PPP1R12B: variants seen among roughly 807,000 people sequenced by gnomAD.
PPP1R12B encodes myosin phosphatase target subunit 2.
In PPP1R12B, 76 loss-of-function variants were observed where a neutral mutation model predicts 126.1. That is an observed-to-expected ratio of 0.60 (90% CI 0.50 to 0.73). The LOEUF is 0.73. Among genes scored for constraint, PPP1R12B ranks in the 30% least tolerant of loss-of-function variants. The pLI, the probability that PPP1R12B is intolerant of heterozygous loss-of-function variation, is 0.00. For synonymous variants in PPP1R12B, 356 were observed against 434.7 expected (o/e 0.82, Z 2.25); for missense variants, 1,052 against 1,205.1 (o/e 0.87, Z 1.88).
intron 22 of PPP1R12B, among the ~76,000 whole-genome samples, chr1:202,568,131 A>T (rs564353963): frequency 5.3e-5 from 8 of 152,162 alleles, no homozygotes; most frequent in African/African-American, 1.9e-4. Context: ...GCATACACAC[A>T]CAACCCATAA....
intron 6 of PPP1R12B, among the ~76,000 whole-genome samples, chr1:202,430,394 T>A (rs1670040163): frequency 6.6e-6 from 1 of 152,180 alleles, no homozygotes; most frequent in South Asian, 2.1e-4. Flanking sequence ...TGCCAACTTA[T>A]TTCAGTATAT....
chr1:202,449,095 G>T lies in PPP1R12B; in HGVS notation c.1774G>T (p.Ala592Ser), dbSNP rs761421460. Residue 592 changes from alanine to serine, a missense_variant, in exon 13 of 24, where the codon GCC becomes TCC. Transcript: ENST00000608999. ...CACCAATCGCCCTCTTCCTAGCACT[G>T]CCAATGGGGTTACAGCTACTCCTGT... ...VITNRPLPST[A>S]NGVTATPVLS... 6.2e-7 allele frequency: 1 copy of T among 1,613,794 alleles called. No homozygotes were observed. Among genetic ancestry groups the T allele is most frequent in the South Asian group, 1.1e-5 (1 of 91,060 alleles).
intron 1 of PPP1R12B, among the ~76,000 whole-genome samples, chr1:202,360,171 A>T (rs1000564248): frequency 5.9e-5 from 9 of 152,146 alleles, no homozygotes; most frequent in African/African-American, 4.8e-5. Flanking sequence ...TCTGATTCAG[A>T]TTCCAATTTT....
rs187020845 is a variant in PPP1R12B, at chr1:202,536,740, C to G, written c.2491-22137C>G. 2.6e-5 allele frequency among the ~76,000 whole-genome samples: 4 copies of G among 151,710 alleles called. No individual in the cohort carries two copies. The East Asian group carries it at 7.7e-4, about 29-fold the overall frequency. On this transcript the variant is annotated intron_variant, in intron 18 of 23. Coordinates refer to ENST00000608999, the MANE Select transcript of PPP1R12B (RefSeq NM_002481.4). ...CACATACAGCTGTACAAAAATATTT[C>G]TTTATATTCTTAATCTATAAGCTTT... is the stretch of plus-strand genomic sequence containing the variant.
chr1:202,370,980 C>T (rs914706810), intron 1 of PPP1R12B, among the ~76,000 whole-genome samples: 1 of 148,036 alleles, frequency 6.8e-6, no homozygotes, highest in Non-Finnish European at 1.5e-5. Context: ...TTTTTGAACA[C>T]GAGTTCCATT....
intron 18 of PPP1R12B, among the ~76,000 whole-genome samples, chr1:202,512,756 C>T (rs1307940431): frequency 6.6e-6 from 1 of 152,098 alleles, no homozygotes; most frequent in South Asian, 2.1e-4. Flanking sequence ...TATTTTCATT[C>T]TCTAGAATTC....
intron 1 of PPP1R12B, among the ~76,000 whole-genome samples, chr1:202,354,134 A>G (rs1306232385): frequency 6.6e-6 from 1 of 152,200 alleles, no homozygotes; most frequent in Non-Finnish European, 1.5e-5. Context: ...TATACTTTAT[A>G]TACAATAAAA....
intron 10 of PPP1R12B, chr1:202,438,879 G>A: frequency 1.4e-6 from 2 of 1,387,568 alleles, no homozygotes; most frequent in East Asian, 4.6e-5. Flanking sequence ...TAGCCCCCAG[G>A]GCAGGAGCCC....
chr1:202,536,142 TAAG>T (rs1298462857), intron 18 of PPP1R12B, among the ~76,000 whole-genome samples: 1 of 152,194 alleles, frequency 6.6e-6, no homozygotes, highest in Non-Finnish European at 1.5e-5. Flanking sequence ...TCTTCATCTG[TAAG>T]ATAGTAATAT....
At chr1:202,562,718 C>A (rs1353729687) in intron 19 of PPP1R12B, 60 bp from the exon 20 acceptor site, 1 of 1,537,588 alleles carries the variant, frequency 6.5e-7, no homozygotes, top group Admixed American at 1.7e-5. Context: ...CTGAGCATTA[C>A]CTTCTCCCCA....
intron 13 of PPP1R12B, among the ~76,000 whole-genome samples, chr1:202,449,858 T>C (rs902971545): frequency 1.1e-4 from 17 of 151,512 alleles, no homozygotes; most frequent in African/African-American, 4.1e-4. Flanking sequence ...GGCTAATCTT[T>C]TATATTTTTA....
chr1:202,474,117 A>G (rs1327374501), intron 13 of PPP1R12B, among the ~76,000 whole-genome samples: 3 of 152,172 alleles, frequency 2.0e-5, no homozygotes, highest in Non-Finnish European at 4.4e-5. Context: ...TGCTATATCT[A>G]TAGAACTGTT....
At chr1:202,431,797 G>T (rs1313906125) in intron 8 of PPP1R12B, among the ~76,000 whole-genome samples, 178 bp downstream of exon 8, 1 of 152,186 alleles carries the variant, frequency 6.6e-6, no homozygotes, top group African/African-American at 2.4e-5. Context: ...AGCTATGTTA[G>T]ACTATATCTA....
chr1:202,579,969 G>T (rs1689438480), intron 23 of PPP1R12B, among the ~76,000 whole-genome samples: 1 of 152,200 alleles, frequency 6.6e-6, no homozygotes, highest in East Asian at 1.9e-4. Flanking sequence ...TGTGCATATG[G>T]CAAGAAAGCC....
chr1:202,365,271 A>C (rs1659008093), intron 1 of PPP1R12B, among the ~76,000 whole-genome samples: 1 of 151,786 alleles, frequency 6.6e-6, no homozygotes, highest in South Asian at 2.1e-4. Flanking sequence ...GCATTTTTAG[A>C]GACAGGGAAA....
intron 18 of PPP1R12B, among the ~76,000 whole-genome samples, chr1:202,497,189 G>A (rs1679666885): frequency 6.6e-6 from 1 of 152,156 alleles, no homozygotes; most frequent in South Asian, 2.1e-4. Context: ...TAATAGAGAG[G>A]GACATAAATG....
At chr1:202,396,979 G>T (rs557890862) in intron 1 of PPP1R12B, among the ~76,000 whole-genome samples, 5 of 151,808 alleles carry the variant, frequency 3.3e-5, no homozygotes, top group African/African-American at 1.2e-4. Flanking sequence ...AACCTTATTC[G>T]CCAACCTTTT....
intron 18 of PPP1R12B, among the ~76,000 whole-genome samples, chr1:202,518,292 C>T (rs537999059): frequency 4.7e-4 from 71 of 152,256 alleles, no homozygotes; most frequent in African/African-American, 1.5e-3. Flanking sequence ...AGATTTAGCT[C>T]GTTTAGCTAT....
At chr1:202,499,982 G>A (rs574290196) in intron 18 of PPP1R12B, among the ~76,000 whole-genome samples, 1 of 152,344 alleles carries the variant, frequency 6.6e-6, no homozygotes, top group African/African-American at 2.4e-5. Context: ...AAAACCTGGT[G>A]AGGATATAGA....
Sources: gnomAD v4.1 joint callset for allele counts (sites outside exome capture counted in the v4.1 genomes callset) on GRCh38, gnomAD v4.1.1 for gene constraint, MANE v1.5 for transcripts, NCBI Gene and HGNC (gene_info 2026-07-23, HGNC 2026-07-21) for gene names.